The following CBFA2T2 variants were observed in gnomAD, a reference collection of about 807,000 sequenced individuals.
CBFA2T2 encodes protein CBFA2T2.
A neutral mutation model predicts 62.2 loss-of-function variants in CBFA2T2; 11 were observed. The observed-to-expected ratio is 0.18, with a 90% CI of 0.11 to 0.29. The LOEUF is 0.29. Among genes scored for constraint, CBFA2T2 ranks in the 10% least tolerant of loss-of-function variants. The pLI is 1.00. For synonymous variants in CBFA2T2, 295 were observed against 287.5 expected (o/e 1.03, Z -0.27); for missense variants, 592 against 774.1 (o/e 0.76, Z 2.79).
intron 1 of CBFA2T2, among the ~76,000 whole-genome samples, chr20:33,522,562 TTTAAAAAAAAAAAA>T (rs760708204): frequency 7.3e-5 from 11 of 151,556 alleles, no homozygotes; most frequent in Non-Finnish European, 1.5e-4. Flanking sequence ...ACCCTGTTTG[TTTAAAAAAAAAAAA>T]TTAAAAAAAT....
intron 1 of CBFA2T2, among the ~76,000 whole-genome samples, chr20:33,571,350 T>C (rs1410966939): frequency 2.0e-5 from 3 of 152,230 alleles, no homozygotes; most frequent in Non-Finnish European, 4.4e-5. Context: ...ATACTCTTAA[T>C]TGAATAAGTG....
In CBFA2T2 at chr20:33,649,553, G is replaced by A. The variant is rs951965605; in HGVS notation, c.*4907G>A. On this transcript the variant is annotated 3_prime_UTR_variant, in exon 11 of 11. Transcript: ENST00000342704. ...CTTCCCTCACAGACCCCATCTGGTC[G>A]AGCCTACGGCTGCCCAGTGTACACT... 6.6e-6 allele frequency: 1 copy of A among 152,388 alleles called. No individual in the cohort carries two copies. The highest frequency in any genetic ancestry group is 1.5e-5 in the Non-Finnish European group (1 of 68,070). 9.4% of individuals were successfully genotyped at this position (152,388 alleles called of 1,614,324 possible).
intron 1 of CBFA2T2, among the ~76,000 whole-genome samples, chr20:33,493,764 G>A (rs554076582): frequency 8.8e-6 from 1 of 113,888 alleles, no homozygotes; most frequent in Non-Finnish European, 1.9e-5. Context: ...CAGCTTCCCG[G>A]TATTGGGAGT....
intron 1 of CBFA2T2, among the ~76,000 whole-genome samples, chr20:33,529,683 C>CA (rs199664317): frequency 3.5e-4 from 47 of 135,190 alleles, no homozygotes; most frequent in Admixed American, 3.1e-4. Context: ...AAAAAACAAA[C>CA]AAAAAAAAAC....
intron 3 of CBFA2T2, among the ~76,000 whole-genome samples, chr20:33,617,376 A>G (rs1036822431): frequency 2.0e-5 from 3 of 152,214 alleles, no homozygotes; most frequent in African/African-American, 7.2e-5. Flanking sequence ...GGAAGAAACA[A>G]ACAATTATGC....
intron 1 of CBFA2T2, among the ~76,000 whole-genome samples, chr20:33,513,485 A>T (rs1223080200): frequency 1.3e-5 from 2 of 150,436 alleles, no homozygotes; most frequent in Non-Finnish European, 3.0e-5. Flanking sequence ...TCAGCCTCCC[A>T]ATTACAGCTG....
chr20:33,644,455 C>G lies in CBFA2T2; in HGVS notation c.1597C>G (p.Leu533Val). The change falls in exon 11 of 11, where the codon CTC becomes GTC. Residue 533 changes from leucine to valine, a missense_variant. Transcript: ENST00000342704. The stretch of plus-strand genomic sequence containing the variant: ...CAAGGACTGGGAGCGGCACCACCGC[C>G]TCTGTGGTCAGAACCTGCATGGCCA... ...QHKDWERHHR[L>V]CGQNLHGQSP... 6.2e-7 allele frequency: 1 copy of G among 1,614,262 alleles called. No homozygotes were observed. Among genetic ancestry groups the G allele is most frequent in the Non-Finnish European group, 8.5e-7 (1 of 1,180,048 alleles).
chr20:33,490,858 T>C (rs768035096), intron 1 of CBFA2T2, among the ~76,000 whole-genome samples: 11 of 152,130 alleles, frequency 7.2e-5, no homozygotes, highest in Non-Finnish European at 1.5e-4. Context: ...GGTTCTTGGG[T>C]TTTGTGAGGC....
In CBFA2T2 at chr20:33,648,990, G is replaced by C. The variant is rs781762472; in HGVS notation, c.*4344G>C. 6.6e-6 allele frequency: 1 copy of C among 152,080 alleles called. No individual in the cohort carries two copies. The highest frequency in any genetic ancestry group is 2.4e-5 in the African/African-American group (1 of 41,410). The allele number at this position is 152,080 out of a possible 1,614,324, so 9.4% of individuals were successfully genotyped here. ...AGGTTCAGCACAGCTGGAATTGTAC[G>C]GTAGTGAGCTCTTCAAAATGAAAAC... On this transcript the variant is annotated 3_prime_UTR_variant, in exon 11 of 11. Transcript: ENST00000342704.
chr20:33,603,874 G>T (rs2015237388), intron 1 of CBFA2T2, among the ~76,000 whole-genome samples: 2 of 152,174 alleles, frequency 1.3e-5, no homozygotes, highest in African/African-American at 4.8e-5. Context: ...GCATGTCATA[G>T]CCTTCTTCCT....
intron 1 of CBFA2T2, among the ~76,000 whole-genome samples, chr20:33,584,270 CTTTTTTTTTTT>C (rs567328176): frequency 7.7e-6 from 1 of 129,388 alleles, no homozygotes; most frequent in South Asian, 2.4e-4. Context: ...TTTTTTTTTT[CTTTTTTTTTTT>C]TTGAGACAGA....
intron 10 of CBFA2T2, among the ~76,000 whole-genome samples, chr20:33,643,488 G>A (rs985054470): frequency 1.3e-5 from 2 of 151,564 alleles, no homozygotes; most frequent in Non-Finnish European, 2.9e-5. Context: ...AGGTGGGAGT[G>A]TGGGAGGATC....
At chr20:33,503,540 A>G (rs923625888) in intron 1 of CBFA2T2, among the ~76,000 whole-genome samples, 2 of 152,170 alleles carry the variant, frequency 1.3e-5, no homozygotes, top group African/African-American at 4.8e-5. Flanking sequence ...GGCGTGAGCC[A>G]CCGCACCTGG....
chr20:33,535,822 C>G (rs1395170774), intron 1 of CBFA2T2, among the ~76,000 whole-genome samples: 3 of 151,874 alleles, frequency 2.0e-5, no homozygotes, highest in Non-Finnish European at 4.4e-5. Flanking sequence ...TGCGGCCTTC[C>G]GCAGTGTTTG....
intron 1 of CBFA2T2, among the ~76,000 whole-genome samples, chr20:33,591,858 T>TGGGGGGGGGGGGGGG (rs1568838585): frequency 1.6e-4 from 1 of 6,212 alleles, no homozygotes; most frequent in Non-Finnish European, 3.8e-4. Flanking sequence ...TGTGGCGGGG[T>TGGGGGGGGGGGGGGG]GGGAGGGGGG....
At chr20:33,505,447 G>A (rs2011385413) in intron 1 of CBFA2T2, among the ~76,000 whole-genome samples, 1 of 152,122 alleles carries the variant, frequency 6.6e-6, no homozygotes, top group Non-Finnish European at 1.5e-5. Context: ...TTCCATAGTT[G>A]TTTATGGGAA....
chr20:33,568,869 C>T (rs1006266410), intron 1 of CBFA2T2, among the ~76,000 whole-genome samples: 10 of 152,130 alleles, frequency 6.6e-5, no homozygotes, highest in Non-Finnish European at 1.3e-4. Flanking sequence ...ATCTATTAGA[C>T]CCCCAGTAGG....
Position 33,611,258 on chromosome 20 carries a change from A to G in CBFA2T2, c.343A>G (p.Thr115Ala). The stretch of plus-strand genomic sequence containing the variant: ...ACTCAGCAAGTTGAAACGCTTTCTT[A>G]CCACTCTGCAACAGTTTGGCAATGA... ...RQLSKLKRFL[T>A]TLQQFGNDIS... The change falls in exon 3 of 11, where the codon ACC becomes GCC. Residue 115 changes from threonine (T) to alanine (A), a missense_variant. Thr to Ala is a moderately conservative substitution (Grantham distance 58). This residue lies in a region of CBFA2T2 where 449 missense variants were observed against 551.2 expected (regional missense o/e 0.81). Coordinates refer to ENST00000342704, the MANE Select transcript of CBFA2T2 (RefSeq NM_001032999.3). 6.2e-7 allele frequency: 1 copy of G among 1,614,132 alleles called. No homozygotes were observed. Among genetic ancestry groups the G allele is most frequent in the Non-Finnish European group, 8.5e-7 (1 of 1,180,016 alleles).
chr20:33,591,396 C>G (rs2014618525), intron 1 of CBFA2T2, among the ~76,000 whole-genome samples: 3 of 149,760 alleles, frequency 2.0e-5, no homozygotes, highest in Non-Finnish European at 4.4e-5. Flanking sequence ...ATTGCTTGAA[C>G]CCGGGAGGCC....
Sources: allele counts gnomAD v4.1 joint callset (sites outside exome capture counted in the v4.1 genomes callset), GRCh38; gene constraint gnomAD v4.1.1; regional missense constraint gnomAD v4.1.1; transcripts MANE v1.5; gene names NCBI Gene and HGNC (gene_info 2026-07-23, HGNC 2026-07-21).